Variants in LIPI observed in about 807,000 individuals in gnomAD.
LIPI encodes lipase I.
Under a neutral mutation model 50.6 loss-of-function variants are expected in LIPI, and 59 were observed. That is an observed-to-expected ratio of 1.16 (90% CI 0.94 to 1.45). The LOEUF is 1.45. LIPI is among the 40% of genes most tolerant of loss of function. The pLI is 0.00. For synonymous variants in LIPI, 203 were observed against 178.2 expected (o/e 1.14, Z -1.11); for missense variants, 586 against 536.3 (o/e 1.09, Z -0.92).
intron 9 of LIPI, among the ~76,000 whole-genome samples, chr21:14,117,684 A>C (rs1247567073): frequency 6.6e-6 from 1 of 152,218 alleles, no homozygotes; most frequent in Non-Finnish European, 1.5e-5. Flanking sequence ...CTTTTGACCC[A>C]GAAGTGGCAG....
chr21:14,153,558 A>G (rs2018173197), intron 7 of LIPI, among the ~76,000 whole-genome samples: 1 of 152,190 alleles, frequency 6.6e-6, no homozygotes, highest in Non-Finnish European at 1.5e-5. Context: ...ATGTTTCAAT[A>G]TGCAACCAAG....
At chr21:14,170,845 G>C (rs1287849862) in intron 4 of LIPI, among the ~76,000 whole-genome samples, 2 of 151,538 alleles carry the variant, frequency 1.3e-5, no homozygotes, top group African/African-American at 4.9e-5. Flanking sequence ...ATTCAACATA[G>C]TGTTGGAAGT....
chr21:14,123,952 G>A (rs894732670), intron 9 of LIPI, among the ~76,000 whole-genome samples: 1 of 152,154 alleles, frequency 6.6e-6, no homozygotes, highest in Non-Finnish European at 1.5e-5. Context: ...GAGCTGTTAT[G>A]GAAATTACTG....
rs1249480001 is a variant in LIPI at position 14,181,867 on chromosome 21, G to A, written c.542-8C>T. ...GCCCAGCAGGGTCAAGACCTGGAAA[G>A]CAAGAAAGAAATAATCAGTCTCATC... On this transcript the variant is annotated splice_region_variant and splice_polypyrimidine_tract_variant and intron_variant, in intron 3 of 9. Transcript: ENST00000681601. The A allele has an allele frequency of 5.2e-6, 8 of 1,530,674 alleles. No individual in the cohort carries two copies. Among genetic ancestry groups the A allele is most frequent in the African/African-American group, 1.4e-5 (1 of 73,232 alleles). 94.8% of individuals were successfully genotyped at this position (1,530,674 alleles called of 1,614,324 possible). A position where few individuals can be genotyped will look rare whatever the true frequency, so the allele number is the denominator to read the frequency against.
intron 8 of LIPI, among the ~76,000 whole-genome samples, chr21:14,151,873 G>T (rs1360612211): frequency 6.6e-6 from 1 of 151,844 alleles, no homozygotes; most frequent in African/African-American, 2.4e-5. Flanking sequence ...CTCCCCTATT[G>T]TTTGGGAGCC....
chr21:14,197,673 T>C (rs1036670200), intron 1 of LIPI, among the ~76,000 whole-genome samples: 13 of 151,792 alleles, frequency 8.6e-5, no homozygotes, highest in African/African-American at 3.1e-4. Flanking sequence ...ATGAGGAGAA[T>C]AGAACAAAAT....
chr21:14,182,514 A>G (rs188670952), intron 3 of LIPI, among the ~76,000 whole-genome samples: 280 of 152,318 alleles, frequency 1.8e-3, no homozygotes, highest in South Asian at 4.6e-3. Flanking sequence ...ACATCTATAC[A>G]ATGAAGAAAC....
intron 3 of LIPI, among the ~76,000 whole-genome samples, chr21:14,185,617 C>T (rs1199579172): frequency 3.9e-5 from 6 of 152,146 alleles, no homozygotes; most frequent in Non-Finnish European, 8.8e-5. Flanking sequence ...GTGGCTCATG[C>T]CTGTAATCCA....
intron 9 of LIPI, among the ~76,000 whole-genome samples, chr21:14,135,580 T>C (rs955553011): frequency 1.3e-5 from 2 of 152,254 alleles, no homozygotes; most frequent in African/African-American, 2.4e-5. Flanking sequence ...TCAAACTCAG[T>C]TGACACCAGC....
chr21:14,191,331 C>T (rs1048196871), intron 1 of LIPI, among the ~76,000 whole-genome samples: 3 of 147,168 alleles, frequency 2.0e-5, no homozygotes, highest in African/African-American at 5.0e-5. Context: ...GAGCCGAGAT[C>T]CCGCCACTGC....
chr21:14,192,517 C>G (rs1054050850), intron 1 of LIPI, among the ~76,000 whole-genome samples: 5 of 151,928 alleles, frequency 3.3e-5, no homozygotes, highest in African/African-American at 9.7e-5. Context: ...AAATGACACA[C>G]AAAAAAGTTA....
intron 7 of LIPI, among the ~76,000 whole-genome samples, chr21:14,157,116 A>G (rs1369005396): frequency 6.6e-6 from 1 of 151,850 alleles, no homozygotes; most frequent in East Asian, 1.9e-4. Context: ...GTGTGGCCAG[A>G]TTTCTCCTTG....
At chr21:14,196,777 G>A (rs1380223412) in intron 1 of LIPI, among the ~76,000 whole-genome samples, 1 of 152,016 alleles carries the variant, frequency 6.6e-6, no homozygotes, top group Non-Finnish European at 1.5e-5. Context: ...AGTGAGCCAT[G>A]GTAGCACCAC....
intron 9 of LIPI, among the ~76,000 whole-genome samples, chr21:14,117,363 T>C (rs888496217): frequency 2.0e-5 from 3 of 152,124 alleles, no homozygotes; most frequent in Non-Finnish European, 4.4e-5. Flanking sequence ...CACTGTTCAA[T>C]ACAGAAGAAC....
intron 9 of LIPI, among the ~76,000 whole-genome samples, chr21:14,141,202 C>T (rs1600854555): frequency 1.3e-5 from 2 of 152,184 alleles, no homozygotes; most frequent in Admixed American, 1.3e-4. Flanking sequence ...AGTTCTTCTG[C>T]TGTGTCTCCT....
At chr21:14,162,826 T>C (rs2018541530) in intron 7 of LIPI, among the ~76,000 whole-genome samples, 1 of 151,870 alleles carries the variant, frequency 6.6e-6, no homozygotes, top group Non-Finnish European at 1.5e-5. Context: ...AATTCAAAAC[T>C]TCCTCCATAA....
chr21:14,190,128 T>C (rs1002417280), intron 1 of LIPI, among the ~76,000 whole-genome samples: 6 of 152,128 alleles, frequency 3.9e-5, no homozygotes, highest in African/African-American at 1.4e-4. Flanking sequence ...TTTTCATCCA[T>C]GTGTGCATTC....
At chr21:14,114,746 A>T (rs1024162437) in intron 9 of LIPI, among the ~76,000 whole-genome samples, 14 of 152,200 alleles carry the variant, frequency 9.2e-5, no homozygotes, top group Non-Finnish European at 8.8e-5. Flanking sequence ...TCGCCAAACC[A>T]TGTCACCCAC....
rs1037081350 is a variant in LIPI at position 14,113,719 on chromosome 21, C to A, written c.1296-4639G>T. ...ACTGTATTAGTCTGTTCTCACACTGCTATAAAGAACTGCCCAAGACTGGGT... is the reference window on the plus strand; with the variant it reads ...ACTGTATTAGTCTGTTCTCACACTGATATAAAGAACTGCCCAAGACTGGGT... On this transcript the variant is annotated intron_variant, in intron 9 of 9. Transcript: ENST00000681601. 2.6e-5 allele frequency among the ~76,000 whole-genome samples: 4 copies of A among 152,252 alleles called. No individual in the cohort carries two copies. In the East Asian group the frequency reaches 7.7e-4, roughly 29 times the overall value.
Sources: gnomAD v4.1 joint callset for allele counts (sites outside exome capture counted in the v4.1 genomes callset) on GRCh38, gnomAD v4.1.1 for gene constraint, MANE v1.5 for transcripts, NCBI Gene and HGNC (gene_info 2026-07-23, HGNC 2026-07-21) for gene names.